The following MUC13 variants were observed in gnomAD, a reference collection of about 807,000 sequenced individuals.
MUC13 encodes the protein mucin-13.
MUC13 carries 32 observed loss-of-function variants against 48.3 expected under a neutral mutation model. The observed-to-expected ratio is 0.66, with a 90% confidence interval of 0.50 to 0.89. The LOEUF (loss-of-function observed/expected upper bound fraction) is 0.89. Among genes scored for constraint, MUC13 ranks in the 40% least tolerant of loss-of-function variants. The pLI is 0.00. For synonymous variants in MUC13, 199 were observed against 224.9 expected, an observed-to-expected ratio of 0.88 and a Z score of 1.03; for missense variants, 571 against 622.8, an observed-to-expected ratio of 0.92 and a Z score of 0.88.
At chr3:124,910,377 A>T in intron 10 of MUC13, 38 bp downstream of exon 10, 2 of 1,208,610 alleles carry the variant, frequency 1.7e-6, no homozygotes, top group Non-Finnish European at 2.3e-6. Context: ...TCTCTCTATA[A>T]AAAAAAAAAA....
At chr3:124,914,251 A>G (rs1935473001) in intron 6 of MUC13, among the ~76,000 whole-genome samples, 1 of 151,998 alleles carries the variant, frequency 6.6e-6, no homozygotes, top group African/African-American at 2.4e-5. Context: ...CTCTGCTAAA[A>G]ATACAAAAAT....
In MUC13 at chr3:124,912,091, CTT is replaced by C. The variant is rs869237321; in HGVS notation, c.1252+11_1252+12del. On this transcript the variant is annotated intron_variant, in intron 9 of 11. Transcript: ENST00000616727. ...TAATAACTTGTTTATAATAGCAAGA[CTT>C]TCATACTCACTGTCCTTACAGTCGA... 1 of 1,611,850 alleles carries C rather than the reference CTT, an allele frequency of 6.2e-7. No homozygotes were observed. Among genetic ancestry groups the C allele is most frequent in the African/African-American group, 1.3e-5 (1 of 75,004 alleles).
At chr3:124,923,479 T>A (rs752645480) in intron 3 of MUC13, 48 bp downstream of exon 3, 9 of 1,574,050 alleles carry the variant, frequency 5.7e-6, no homozygotes, top group Non-Finnish European at 7.7e-6. Flanking sequence ...GATTCCACTT[T>A]TGGTGTGAGA....
At chr3:124,932,565 T>A (rs1289950174) in intron 1 of MUC13, among the ~76,000 whole-genome samples, 3 of 145,228 alleles carry the variant, frequency 2.1e-5, no homozygotes, top group Non-Finnish European at 3.0e-5. Context: ...AAACTCGGTC[T>A]CAAAAAAAAA....
At chr3:124,907,699 G>A (rs1359397923) in intron 11 of MUC13, among the ~76,000 whole-genome samples, 4 of 151,936 alleles carry the variant, frequency 2.6e-5, no homozygotes, top group Non-Finnish European at 4.4e-5. Context: ...GAGATCAAGC[G>A]GCAGGGAAAG....
chr3:124,915,010 G>A (rs75278140), intron 6 of MUC13, among the ~76,000 whole-genome samples: 2,364 of 152,262 alleles, frequency 0.016, 57 homozygotes, highest in African/African-American at 0.053. Context: ...AGGGAGGCAC[G>A]AAGGCGATTA....
intron 5 of MUC13, 192 bp downstream of exon 5, chr3:124,920,042 C>T: frequency 1.6e-6 from 1 of 637,788 alleles, no homozygotes; most frequent in Non-Finnish European, 2.8e-6. Context: ...ATGCCCTGCC[C>T]AGAGTTGGGG....
intron 10 of MUC13, 139 bp from the exon 11 acceptor site, chr3:124,908,487 G>A (rs943026332): frequency 2.6e-5 from 19 of 734,438 alleles, no homozygotes; most frequent in East Asian, 8.1e-5. Context: ...CATATATTAC[G>A]GCGTTCTCAC....
intron 5 of MUC13, among the ~76,000 whole-genome samples, chr3:124,919,824 C>T (rs953498986): frequency 1.3e-5 from 2 of 152,160 alleles, no homozygotes; most frequent in African/African-American, 4.8e-5. Context: ...GTGTTCTTGT[C>T]CCCCTCACAC....
chr3:124,917,030 G>A (rs771119700), intron 5 of MUC13, among the ~76,000 whole-genome samples: 2 of 152,094 alleles, frequency 1.3e-5, no homozygotes, highest in Non-Finnish European at 2.9e-5. Context: ...ACACGACCCA[G>A]AGGAGAACTG....
intron 7 of MUC13, 41 bp downstream of exon 7, chr3:124,913,521 T>C (rs1407190062): frequency 1.2e-6 from 2 of 1,612,058 alleles, no homozygotes; most frequent in African/African-American, 1.3e-5. Context: ...GAAGAGAAAG[T>C]GATGTTATGA....
At chr3:124,917,137 T>C (rs1486637760) in intron 5 of MUC13, among the ~76,000 whole-genome samples, 1 of 152,088 alleles carries the variant, frequency 6.6e-6, no homozygotes, top group Non-Finnish European at 1.5e-5. Context: ...TCTCTCTCTC[T>C]CTCTCTCTAA....
At chr3:124,917,350 A>T (rs1183543898) in intron 5 of MUC13, among the ~76,000 whole-genome samples, 7 of 104,174 alleles carry the variant, frequency 6.7e-5, no homozygotes, top group African/African-American at 2.6e-4. Flanking sequence ...CACCTTTTTG[A>T]CATTTTTTTT....
At chr3:124,917,154 C>A (rs1320320553) in intron 5 of MUC13, among the ~76,000 whole-genome samples, 1 of 152,118 alleles carries the variant, frequency 6.6e-6, no homozygotes, top group Non-Finnish European at 1.5e-5. Context: ...CTAATCAGCA[C>A]TGCAGTTCGG....
At chr3:124,909,993 G>A (rs1396056223) in intron 10 of MUC13, among the ~76,000 whole-genome samples, 1 of 152,134 alleles carries the variant, frequency 6.6e-6, no homozygotes, top group Non-Finnish European at 1.5e-5. Context: ...ATCTCAAAAT[G>A]TTAGTTGCCT....
At chr3:124,925,747 G>A (rs1935675130) in intron 2 of MUC13, among the ~76,000 whole-genome samples, 1 of 152,154 alleles carries the variant, frequency 6.6e-6, no homozygotes, top group Non-Finnish European at 1.5e-5. Context: ...CTGAGTAGCT[G>A]AGACTACAGG....
intron 10 of MUC13, among the ~76,000 whole-genome samples, chr3:124,909,193 G>C (rs1935375086): frequency 6.6e-6 from 1 of 151,852 alleles, no homozygotes; most frequent in East Asian, 1.9e-4. Flanking sequence ...AATATTGTAG[G>C]AACCTAAAAT....
intron 2 of MUC13, among the ~76,000 whole-genome samples, chr3:124,925,953 T>C (rs2107672775): frequency 6.6e-6 from 1 of 152,260 alleles, no homozygotes; most frequent in South Asian, 2.1e-4. Context: ...AAATAGACTA[T>C]ATGGGATAAA....
At chr3:124,931,621 A>G (rs1192204298) in intron 1 of MUC13, among the ~76,000 whole-genome samples, 3 of 151,506 alleles carry the variant, frequency 2.0e-5, no homozygotes, top group African/African-American at 7.3e-5. Context: ...GGTGGCAGGC[A>G]CCTATAATCC....
Sources: gnomAD v4.1 joint callset for allele counts (sites outside exome capture counted in the v4.1 genomes callset) on GRCh38, gnomAD v4.1.1 for gene constraint, MANE v1.5 for transcripts, NCBI Gene and HGNC (gene_info 2026-07-23, HGNC 2026-07-21) for gene names.